Variants in ABL2 observed in about 807,000 individuals in gnomAD.
ABL2 encodes the protein ABL proto-oncogene 2, non-receptor tyrosine kinase.
Under a neutral mutation model 107.7 loss-of-function variants are expected in ABL2, and 49 were observed. The ratio of observed to expected loss-of-function variants is 0.45; its 90% CI spans 0.36 to 0.58. The LOEUF is 0.58. Among genes scored for constraint, ABL2 ranks in the 20% least tolerant of loss-of-function variants. The probability of loss-of-function intolerance (pLI) is 0.00; values close to 1 mark genes in which losing one functional copy is unlikely to be tolerated. For synonymous variants in ABL2, 549 were observed against 548.6 expected (o/e 1.00, Z -0.01); for missense variants, 1,245 against 1,457.0 (o/e 0.85, Z 2.37).
At chr1:179,226,629 T>C (rs1401580540) in intron 1 of ABL2, among the ~76,000 whole-genome samples, 1 of 152,174 alleles carries the variant, frequency 6.6e-6, no homozygotes, top group Non-Finnish European at 1.5e-5. Context: ...TTTTTAATAA[T>C]AACAGTAGTA....
rs1315734498 is a variant in ABL2, at chr1:179,108,813, G to A, written c.2454C>T (p.Thr818=). The A allele has an allele frequency of 2.5e-6, 4 of 1,614,048 alleles. No individual in the cohort carries two copies. The highest frequency in any genetic ancestry group is 3.4e-6 in the Non-Finnish European group (4 of 1,180,034). Residue 818 remains threonine, a synonymous_variant, in exon 12 of 12, where the codon ACC becomes ACT. Coordinates refer to ENST00000502732, the MANE Select transcript of ABL2 (RefSeq NM_007314.4). ...SKLQLERTVS[T]SSQPEENVDR... is the part of the protein sequence containing the mutation. ...CCACATTCTCTTCTGGCTGAGAAGA[G>A]GTGGACACTGTCCTTTCCAGCTGGA...
intron 7 of ABL2, among the ~76,000 whole-genome samples, chr1:179,117,953 CA>C (rs138844334): frequency 3.2e-5 from 4 of 126,768 alleles, no homozygotes; most frequent in Admixed American, 8.1e-5. Flanking sequence ...ACCCAGTCTA[CA>C]AAAAAAAAAC....
chr1:179,142,863 TGAAA>T, intron 1 of ABL2: 2 of 1,545,020 alleles, frequency 1.3e-6, no homozygotes, highest in Admixed American at 4.0e-5. Context: ...ATGAATTTTT[TGAAA>T]TCTTCATTCA....
chr1:179,124,741 G>A (rs1655580156), intron 4 of ABL2, among the ~76,000 whole-genome samples: 1 of 152,042 alleles, frequency 6.6e-6, no homozygotes, highest in Non-Finnish European at 1.5e-5. Context: ...TGGGATTACG[G>A]GTGTGAGCCA....
intron 1 of ABL2, among the ~76,000 whole-genome samples, chr1:179,193,626 G>C (rs1418601646): frequency 2.0e-5 from 3 of 152,094 alleles, no homozygotes; most frequent in Non-Finnish European, 4.4e-5. Context: ...AGCTAGTCTT[G>C]AACTCCTGAC....
In ABL2 at chr1:179,178,401, C is replaced by CA. The variant is rs572438530; in HGVS notation, c.158-45028dup. Among the ~76,000 whole-genome samples the CA allele has an allele frequency of 6.7e-3, 462 of 68,598 alleles. 18 individuals are homozygous for CA. The highest frequency in any genetic ancestry group is 0.039 in the East Asian group (86 of 2,198). 45.0% of individuals were successfully genotyped at this position (68,598 alleles called of 152,430 possible). A position where few individuals can be genotyped will look rare whatever the true frequency, so the allele number is the denominator to read the frequency against. On this transcript the variant is annotated intron_variant, in intron 1 of 11. Coordinates refer to ENST00000502732, the MANE Select transcript of ABL2 (RefSeq NM_007314.4). ...TGGGTGACAGAGCAAGACTCTGCCT[C>CA]AAAAAAAAAAAAAAAAAAATTATTT...
rs1176609713 is a variant in ABL2 at position 179,108,399 on chromosome 1, A to G, written c.2868T>C (p.Asn956=). 6.2e-7 allele frequency: 1 copy of G among 1,614,196 alleles called. No homozygotes were observed. Among genetic ancestry groups the G allele is most frequent in the Middle Eastern group, 1.6e-4 (1 of 6,062 alleles). ...VQLIGTDSQG[N]KFKLLSEHQV... ...GATGCTCAGATAAGAGCTTGAATTT[A>G]TTCCCCTGAGAGTCTGTGCCAATGA... The change falls in exon 12 of 12, where the codon AAT becomes AAC. Residue 956 remains asparagine, a synonymous_variant. Transcript: ENST00000502732.
intron 1 of ABL2, among the ~76,000 whole-genome samples, chr1:179,144,304 C>CA (rs1469570928): frequency 8.2e-4 from 125 of 151,824 alleles, no homozygotes; most frequent in Non-Finnish European, 1.3e-3. Flanking sequence ...ACAAAAAATA[C>CA]AAAAAATTAG....
At chr1:179,133,114 C>CCCA (rs1437670949) in intron 2 of ABL2, among the ~76,000 whole-genome samples, 198 bp downstream of exon 2, 6 of 152,294 alleles carry the variant, frequency 3.9e-5, no homozygotes, top group Non-Finnish European at 8.8e-5. Flanking sequence ...GCCTTGGCCT[C>CCCA]CCAAAGTGCT....
intron 1 of ABL2, among the ~76,000 whole-genome samples, chr1:179,216,253 C>T (rs927291850): frequency 1.2e-4 from 18 of 152,128 alleles, no homozygotes; most frequent in African/African-American, 4.1e-4. Flanking sequence ...TAAGTTTAAA[C>T]GTTGGATAGT....
At chr1:179,124,464 C>T (rs1210852913) in intron 4 of ABL2, among the ~76,000 whole-genome samples, 25 of 83,348 alleles carry the variant, frequency 3.0e-4, no homozygotes, top group South Asian at 2.0e-3. Context: ...TTAGCTTCTG[C>T]TTTTTTTTTT....
At chr1:179,229,167 T>TGCCCCCCCCCCCCCCCCCCC in intron 1 of ABL2, 74 bp downstream of exon 1, 2 of 402,570 alleles carry the variant, frequency 5.0e-6, no homozygotes, top group East Asian at 6.5e-5. Flanking sequence ...GGGCAGCCCG[T>TGCCCCCCCCCCCCCCCCCCC]CCGCCACCCA....
intron 1 of ABL2, among the ~76,000 whole-genome samples, chr1:179,225,764 G>A (rs1278856495): frequency 6.6e-6 from 1 of 152,046 alleles, no homozygotes; most frequent in African/African-American, 2.4e-5. Context: ...TGACGTGGCC[G>A]GAAGCGGTGG....
chr1:179,189,642 A>C (rs572688876), intron 1 of ABL2, among the ~76,000 whole-genome samples: 13 of 152,190 alleles, frequency 8.5e-5, no homozygotes, highest in African/African-American at 2.9e-4. Context: ...GGATAGAAAA[A>C]ACAAAACCCC....
chr1:179,139,509 C>G (rs1033668894), intron 1 of ABL2, among the ~76,000 whole-genome samples: 2 of 152,242 alleles, frequency 1.3e-5, no homozygotes, highest in African/African-American at 2.4e-5. Context: ...CAAGAACCCA[C>G]CAATTCCGGA....
rs544240666 is a variant in ABL2 at position 179,107,313 on chromosome 1, A to T, written c.*405T>A. The stretch of plus-strand genomic sequence containing the variant: ...GCTGTCCCACCAAATTCATTAGGTA[A>T]ATTGGAGCATAATCACCATTAGTAC... On this transcript the variant is annotated 3_prime_UTR_variant, in exon 12 of 12. Coordinates refer to ENST00000502732, the MANE Select transcript of ABL2 (RefSeq NM_007314.4). The T allele has an allele frequency of 2.0e-4, 48 of 237,918 alleles. No individual in the cohort carries two copies. The highest frequency in any genetic ancestry group is 3.0e-4 in the Non-Finnish European group (36 of 120,916). The allele number at this position is 237,918 out of a possible 1,614,324, so 14.7% of individuals were successfully genotyped here. A position where few individuals can be genotyped will look rare whatever the true frequency, so the allele number is the denominator to read the frequency against.
At chr1:179,117,293 A>T (rs1282357433) in intron 8 of ABL2, 39 bp downstream of exon 8, 1 of 1,594,382 alleles carries the variant, frequency 6.3e-7, no homozygotes, top group Admixed American at 1.7e-5. Flanking sequence ...ATAAAAAAAA[A>T]AATAAAATGA....
rs1655236394 is a variant in ABL2, at chr1:179,121,910, T to A, written c.688-43A>T. On this transcript the variant is annotated intron_variant, in intron 4 of 11. Coordinates refer to ENST00000502732, the MANE Select transcript of ABL2 (RefSeq NM_007314.4). ...AAAGCTAAACAACTTGAAAAGAGAT[T>A]AAGAATTTTTTTTTTTTTTTTTTTT... is the stretch of plus-strand genomic sequence containing the variant. 7.0e-6 allele frequency: 8 copies of A among 1,146,334 alleles called. No individual in the cohort carries two copies. The East Asian group carries it at 1.7e-4, about 24-fold the overall frequency. 71.0% of individuals were successfully genotyped at this position (1,146,334 alleles called of 1,614,324 possible).
At chr1:179,175,410 C>G (rs1387204626) in intron 1 of ABL2, among the ~76,000 whole-genome samples, 1 of 152,160 alleles carries the variant, frequency 6.6e-6, no homozygotes, top group Non-Finnish European at 1.5e-5. Context: ...TGTTCCCTGC[C>G]CTGCCCAGAA....
Sources: gnomAD v4.1 joint callset for allele counts (sites outside exome capture counted in the v4.1 genomes callset) on GRCh38, gnomAD v4.1.1 for gene constraint, MANE v1.5 for transcripts, NCBI Gene and HGNC (gene_info 2026-07-23, HGNC 2026-07-21) for gene names.